Variants in SDK2 observed in about 807,000 individuals in gnomAD.
SDK2 encodes protein sidekick-2.
A neutral mutation model predicts 253.9 loss-of-function variants in SDK2; 105 were observed. The ratio of observed to expected loss-of-function variants is 0.41; its 90% CI spans 0.35 to 0.49. SDK2 has a LOEUF of 0.49. Among genes scored for constraint, SDK2 ranks in the 20% least tolerant of loss-of-function variants. The pLI is 0.06. For synonymous variants in SDK2, 1,249 were observed against 1,234.9 expected, an observed-to-expected ratio of 1.01 and a Z score of -0.24; for missense variants, 2,608 against 3,003.0, an observed-to-expected ratio of 0.87 and a Z score of 3.07.
chr17:73,389,938 G>A (rs1191283383), intron 29 of SDK2, among the ~76,000 whole-genome samples: 5 of 152,088 alleles, frequency 3.3e-5, no homozygotes, highest in South Asian at 2.1e-4. Context: ...TAGTAGAGAC[G>A]GGGTTTCACC....
chr17:73,338,876 T>C lies in SDK2; in HGVS notation c.6230A>G (p.Tyr2077Cys). 1 of 1,613,984 alleles carries C rather than the reference T, an allele frequency of 6.2e-7. No homozygotes were observed. Among genetic ancestry groups the C allele is most frequent in the Non-Finnish European group, 8.5e-7 (1 of 1,179,900 alleles). ...HQKAHSFVNH[Y>C]ISDPTYYNSW... is the part of the protein sequence containing the mutation. ...GTTGTAGTATGTGGGGTCACTGATGTAGTGGTTGACAAAGGAGTGGGCCTT... is the reference window on the plus strand; with the variant it reads ...GTTGTAGTATGTGGGGTCACTGATGCAGTGGTTGACAAAGGAGTGGGCCTT... Residue 2077 changes from tyrosine to cysteine, a missense_variant, in exon 45 of 45, where the codon TAC (tyrosine) becomes TGC (cysteine). Tyr to Cys is a radical substitution (Grantham distance 194). This residue lies in a region of SDK2 where 1,103 missense variants were observed against 1,143.9 expected (regional missense o/e 0.96). Transcript: ENST00000392650. The surrounding 1 kb of genome is among the most constrained non-coding windows in gnomAD (Gnocchi z 5.0).
intron 17 of SDK2, among the ~76,000 whole-genome samples, chr17:73,415,251 T>C (rs2063170838): frequency 6.6e-6 from 1 of 151,890 alleles, no homozygotes; most frequent in Admixed American, 6.5e-5. Flanking sequence ...CAGCCAAGGC[T>C]CTCGGGCCTG....
chr17:73,379,556 G>C lies in SDK2; in HGVS notation c.4763-7C>G. The stretch of plus-strand genomic sequence containing the variant: ...CGCCTGTGCTTGTTCAGGTCTGTGG[G>C]GGAGAGTGGGGGAGGGGAAGCACAC... On this transcript the variant is annotated splice_region_variant and splice_polypyrimidine_tract_variant and intron_variant, in intron 34 of 44. Coordinates refer to ENST00000392650, the MANE Select transcript of SDK2 (RefSeq NM_001144952.2). This position sits in a 1 kb window ranked among gnomAD's most constrained non-coding sequence, Gnocchi z 4.5. 1 of 1,560,096 alleles carries C rather than the reference G, an allele frequency of 6.4e-7. No individual in the cohort carries two copies. Among genetic ancestry groups the C allele is most frequent in the South Asian group, 1.1e-5 (1 of 88,488 alleles).
chr17:73,425,159 G>A (rs1250318728), intron 12 of SDK2, among the ~76,000 whole-genome samples: 1 of 152,180 alleles, frequency 6.6e-6, no homozygotes, highest in East Asian at 1.9e-4. Context: ...AGTGGAGGTT[G>A]CGGGGAGCCG....
At chr17:73,350,826 GCCC>G (rs762626556) in intron 41 of SDK2, 36 bp from the exon 42 acceptor site, 2 of 1,566,380 alleles carry the variant, frequency 1.3e-6, no homozygotes, top group African/African-American at 2.7e-5. Context: ...AGGGTGCTCA[GCCC>G]CCTCCTCCCT....
At position 73,642,976 on chromosome 17, in the gene SDK2, T is replaced by C. The variant is rs1403999706; in HGVS notation, c.64+1049A>G. The C allele has an allele frequency of 6.6e-6, 1 of 151,864 alleles. No individual in the cohort carries two copies. Among genetic ancestry groups the C allele is most frequent in the East Asian group, 2.0e-4 (1 of 5,124 alleles). 9.4% of individuals were successfully genotyped at this position (151,864 alleles called of 1,614,324 possible). On this transcript the variant is annotated intron_variant, in intron 1 of 44. Coordinates refer to ENST00000392650, the MANE Select transcript of SDK2 (RefSeq NM_001144952.2). This position sits in a 1 kb window ranked among gnomAD's most constrained non-coding sequence, Gnocchi z 4.7. The stretch of plus-strand genomic sequence containing the variant: ...TGGCCCCCTCCTGAGCCTGCGAGAG[T>C]GAAGGCCTAGCCCTGCGAGTCCTGG...
At chr17:73,601,145 G>A (rs1048931121) in intron 1 of SDK2, among the ~76,000 whole-genome samples, 18 of 151,634 alleles carry the variant, frequency 1.2e-4, no homozygotes, top group African/African-American at 4.1e-4. Flanking sequence ...TCAGCCTCCC[G>A]AGTAGCTGGG....
intron 18 of SDK2, among the ~76,000 whole-genome samples, chr17:73,410,921 C>T (rs895398351): frequency 1.3e-5 from 2 of 152,178 alleles, no homozygotes; most frequent in African/African-American, 4.8e-5. Flanking sequence ...TCCTGGCCCT[C>T]GGGGGAGCTG....
intron 5 of SDK2, among the ~76,000 whole-genome samples, chr17:73,441,771 C>T (rs1042592967): frequency 1.1e-4 from 16 of 152,168 alleles, no homozygotes; most frequent in African/African-American, 3.6e-4. Context: ...TTGTGCAGGC[C>T]ATAAGAGACT....
At chr17:73,450,009 A>G (rs1033821419) in intron 4 of SDK2, among the ~76,000 whole-genome samples, 7 of 152,238 alleles carry the variant, frequency 4.6e-5, no homozygotes, top group African/African-American at 1.7e-4. Context: ...AGGCAATAGG[A>G]GGTGGGGCCA....
chr17:73,347,787 C>G (rs1460108658), intron 44 of SDK2, among the ~76,000 whole-genome samples: 1 of 152,080 alleles, frequency 6.6e-6, no homozygotes, highest in Admixed American at 6.5e-5. Flanking sequence ...CCCTTCCCCA[C>G]ACAGCCTGGG....
At chr17:73,492,108 G>A (rs2063810043) in intron 2 of SDK2, among the ~76,000 whole-genome samples, 1 of 152,112 alleles carries the variant, frequency 6.6e-6, no homozygotes, top group South Asian at 2.1e-4. Flanking sequence ...TACCAAGGAG[G>A]AGAAACCACG....
At chr17:73,384,753 T>A (rs1599507269) in intron 32 of SDK2, among the ~76,000 whole-genome samples, 1 of 151,704 alleles carries the variant, frequency 6.6e-6, no homozygotes, top group African/African-American at 2.4e-5. Context: ...GAGGCGGAGG[T>A]TGCAGTGAGC....
chr17:73,478,465 C>A (rs894432239), intron 2 of SDK2, among the ~76,000 whole-genome samples: 1 of 152,158 alleles, frequency 6.6e-6, no homozygotes, highest in African/African-American at 2.4e-5. Flanking sequence ...CGCCAAGAAT[C>A]CACACCCGTT....
At chr17:73,563,545 C>T (rs1308627182) in intron 1 of SDK2, among the ~76,000 whole-genome samples, 1 of 152,140 alleles carries the variant, frequency 6.6e-6, no homozygotes, top group East Asian at 1.9e-4. Flanking sequence ...GGCCACTGCC[C>T]TCCAGTTTGG....
chr17:73,470,387 G>T (rs1053023118), intron 3 of SDK2, among the ~76,000 whole-genome samples: 16 of 152,002 alleles, frequency 1.1e-4, no homozygotes, highest in African/African-American at 2.7e-4. Flanking sequence ...CAACCAACCT[G>T]GACACAGACA....
intron 18 of SDK2, among the ~76,000 whole-genome samples, chr17:73,404,639 C>T (rs1481195516): frequency 6.6e-6 from 1 of 152,192 alleles, no homozygotes; most frequent in Non-Finnish European, 1.5e-5. Context: ...ACCTCTGTCT[C>T]TCAAAGGTAC....
chr17:73,442,820 A>G (rs1238239497), intron 5 of SDK2, among the ~76,000 whole-genome samples: 1 of 146,980 alleles, frequency 6.8e-6, no homozygotes, highest in Admixed American at 6.8e-5. Context: ...GTTTTATTGG[A>G]AAAAAAAAAA....
At chr17:73,390,513 A>T in intron 28 of SDK2, 32 bp from the exon 29 acceptor site, 1 of 1,575,962 alleles carries the variant, frequency 6.3e-7, no homozygotes, top group Non-Finnish European at 8.6e-7. Context: ...CTATTATGGC[A>T]AGCAAGGCAA....
Sources: gnomAD v4.1 joint callset for allele counts (sites outside exome capture counted in the v4.1 genomes callset) on GRCh38, gnomAD v4.1.1 for gene constraint, gnomAD v4.1.1 regional missense constraint, Gnocchi (gnomAD v3.1) non-coding constraint, MANE v1.5 for transcripts, NCBI Gene and HGNC (gene_info 2026-07-23, HGNC 2026-07-21) for gene names.